COL23A1: variants seen among roughly 807,000 people sequenced by gnomAD.
COL23A1 encodes the protein collagen type XXIII alpha 1 chain, also known as collagen alpha-1(XXIII) chain.
Under a neutral mutation model 99.3 loss-of-function variants are expected in COL23A1, and 97 were observed. The ratio of observed to expected loss-of-function variants is 0.98; its 90% CI spans 0.83 to 1.16. COL23A1 has a LOEUF of 1.16. COL23A1 is among the 50% of genes most tolerant of loss of function. The probability of loss-of-function intolerance (pLI) is 0.00; values close to 1 mark genes in which losing one functional copy is unlikely to be tolerated. For synonymous variants in COL23A1, 320 were observed against 308.2 expected, an observed-to-expected ratio of 1.04 and a Z score of -0.40; for missense variants, 762 against 757.4, an observed-to-expected ratio of 1.01 and a Z score of -0.07.
Position 178,340,191 on chromosome 5 carries a change from A to G in COL23A1, c.362-33272T>C, listed in dbSNP as rs1412915466. 6.6e-6 allele frequency among the ~76,000 whole-genome samples: 1 copy of G among 152,192 alleles called. No homozygotes were observed. The highest frequency in any genetic ancestry group is 2.1e-4 in the South Asian group (1 of 4,826). On this transcript the variant is annotated intron_variant, in intron 2 of 28. Coordinates refer to ENST00000390654, the MANE Select transcript of COL23A1 (RefSeq NM_173465.4). This position sits in a 1 kb window ranked among gnomAD's most constrained non-coding sequence, Gnocchi z 4.7. ...CAGCGTTCTCATGAGGAATGCACCT[A>G]TGAAAGTTCCTAGGCAGGGAGCCTG...
intron 2 of COL23A1, among the ~76,000 whole-genome samples, chr5:178,421,254 T>C (rs752312305): frequency 6.6e-6 from 1 of 152,168 alleles, no homozygotes; most frequent in Non-Finnish European, 1.5e-5. Flanking sequence ...TATTTCTCTA[T>C]AGGAGAAGAG....
intron 2 of COL23A1, among the ~76,000 whole-genome samples, chr5:178,357,750 G>GTGTA (rs1320230703): frequency 2.2e-5 from 3 of 133,742 alleles, no homozygotes; most frequent in Admixed American, 7.6e-5. Context: ...GTACGTGTAT[G>GTGTA]TGTGTGTGTA....
chr5:178,574,281 T>G (rs1763242973), intron 1 of COL23A1, among the ~76,000 whole-genome samples: 1 of 152,184 alleles, frequency 6.6e-6, no homozygotes, highest in South Asian at 2.1e-4. Flanking sequence ...TTCTGAGATG[T>G]TAAAAATATT....
At chr5:178,509,569 T>C (rs1005708961) in intron 2 of COL23A1, among the ~76,000 whole-genome samples, 4 of 152,014 alleles carry the variant, frequency 2.6e-5, no homozygotes, top group African/African-American at 7.3e-5. Context: ...CACATTGAAA[T>C]TGAAAAACAA....
intron 2 of COL23A1, chr5:178,438,955 C>T (rs1420677986): frequency 1.3e-5 from 2 of 152,178 alleles, no homozygotes; most frequent in Non-Finnish European, 2.9e-5. Context: ...TGGGACTCAG[C>T]ACTTTAGTAG....
chr5:178,278,109 G>A (rs2127573308), intron 5 of COL23A1, among the ~76,000 whole-genome samples: 1 of 152,358 alleles, frequency 6.6e-6, no homozygotes, highest in Middle Eastern at 3.4e-3. Flanking sequence ...GACCTTCACA[G>A]AAGGGTGACC....
chr5:178,380,701 G>C (rs1763332410), intron 2 of COL23A1, among the ~76,000 whole-genome samples: 1 of 152,216 alleles, frequency 6.6e-6, no homozygotes, highest in South Asian at 2.1e-4. Context: ...TAAGAGGACG[G>C]CCGGGACAGA....
chr5:178,403,847 G>A (rs576067825), intron 2 of COL23A1, among the ~76,000 whole-genome samples: 8 of 152,296 alleles, frequency 5.3e-5, no homozygotes, highest in South Asian at 4.2e-4. Flanking sequence ...ATCTGAAGGC[G>A]CTTGTGAGCC....
At chr5:178,257,439 G>A (rs1765368314) in intron 13 of COL23A1, 84 bp downstream of exon 13, 2 of 1,478,920 alleles carry the variant, frequency 1.4e-6, no homozygotes, top group African/African-American at 1.4e-5. Context: ...TGGTGCCAAA[G>A]GTCCAGGGTA....
intron 2 of COL23A1, among the ~76,000 whole-genome samples, chr5:178,354,951 G>A (rs942165668): frequency 2.6e-5 from 4 of 151,930 alleles, no homozygotes; most frequent in South Asian, 2.1e-4. Context: ...CCAGCTACTC[G>A]GGAGGCTGAA....
intron 2 of COL23A1, among the ~76,000 whole-genome samples, chr5:178,399,696 G>T: frequency 6.6e-6 from 1 of 152,126 alleles, no homozygotes; most frequent in Non-Finnish European, 1.5e-5. Context: ...AACCAAAGAT[G>T]GTTTTTAAAA....
At chr5:178,350,119 T>C (rs1358362893) in intron 2 of COL23A1, among the ~76,000 whole-genome samples, 4 of 152,228 alleles carry the variant, frequency 2.6e-5, no homozygotes, top group East Asian at 1.9e-4. Flanking sequence ...GCTCTTCCCC[T>C]GCCTACAATT....
intron 2 of COL23A1, among the ~76,000 whole-genome samples, chr5:178,526,313 G>A (rs1236234681): frequency 2.0e-5 from 3 of 152,206 alleles, no homozygotes; most frequent in Non-Finnish European, 2.9e-5. Flanking sequence ...GACCTGGGGG[G>A]CCAAGCAAAG....
intron 2 of COL23A1, among the ~76,000 whole-genome samples, chr5:178,364,077 C>T (rs1439740739): frequency 6.6e-6 from 1 of 152,200 alleles, no homozygotes; most frequent in African/African-American, 2.4e-5. Flanking sequence ...GCTACCACCT[C>T]GGTCCCGCCC....
At chr5:178,269,866 T>C (rs1756186833) in intron 6 of COL23A1, among the ~76,000 whole-genome samples, 1 of 152,140 alleles carries the variant, frequency 6.6e-6, no homozygotes, top group Non-Finnish European at 1.5e-5. Flanking sequence ...CACCTCAAAT[T>C]ACTTATTTAA....
intron 2 of COL23A1, among the ~76,000 whole-genome samples, chr5:178,388,640 C>T (rs1044904012): frequency 6.6e-6 from 1 of 152,288 alleles, no homozygotes; most frequent in South Asian, 2.1e-4. Context: ...CCTTCCCAGA[C>T]ATCCAGGAGC....
chr5:178,348,551 G>A (rs911224548), intron 2 of COL23A1, among the ~76,000 whole-genome samples: 1 of 152,220 alleles, frequency 6.6e-6, no homozygotes, highest in African/African-American at 2.4e-5. Flanking sequence ...GGGCCAGCAG[G>A]CATACCCTCA....
In COL23A1 at chr5:178,553,580, T is replaced by C. The variant is rs558487461; in HGVS notation, c.361+7102A>G. 1.1e-4 allele frequency among the ~76,000 whole-genome samples: 17 copies of C among 152,314 alleles called. 1 individual carries two copies. In the South Asian group the frequency reaches 2.3e-3, roughly 20 times the overall value. The stretch of plus-strand genomic sequence containing the variant: ...CACAAAAAGAAAACGAAAAGGATGA[T>C]ACCATTCTGGAATGTTCCTGACAAT... On this transcript the variant is annotated intron_variant, in intron 2 of 28. Transcript: ENST00000390654.
chr5:178,575,153 A>G (rs1763284202), intron 1 of COL23A1, among the ~76,000 whole-genome samples: 1 of 151,504 alleles, frequency 6.6e-6, no homozygotes, highest in African/African-American at 2.4e-5. Context: ...TGCTGCAGAA[A>G]TATCCTCTAA....
Sources: gnomAD v4.1 joint callset for allele counts (sites outside exome capture counted in the v4.1 genomes callset) on GRCh38, gnomAD v4.1.1 for gene constraint, Gnocchi (gnomAD v3.1) non-coding constraint, MANE v1.5 for transcripts, NCBI Gene and HGNC (gene_info 2026-07-23, HGNC 2026-07-21) for gene names.